CFAP157: variants seen among roughly 807,000 people sequenced by gnomAD.
CFAP157 encodes cilia and flagella associated protein 157.
A neutral mutation model predicts 57.8 loss-of-function variants in CFAP157; 43 were observed. The observed-to-expected ratio is 0.74, with a 90% confidence interval of 0.58 to 0.96. The LOEUF is 0.96. Among genes scored for constraint, CFAP157 ranks in the 40% least tolerant of loss-of-function variants. The probability of loss-of-function intolerance (pLI) is 0.00; values close to 1 mark genes in which losing one functional copy is unlikely to be tolerated. For synonymous variants in CFAP157, 267 were observed against 269.0 expected, an observed-to-expected ratio of 0.99 and a Z score of 0.07; for missense variants, 606 against 655.3, an observed-to-expected ratio of 0.92 and a Z score of 0.82.
chr9:127,715,812 G>T lies in CFAP157; in HGVS notation c.*1907G>T, dbSNP rs1588408112. 1.5e-6 allele frequency: 2 copies of T among 1,314,376 alleles called. No individual in the cohort carries two copies. Among genetic ancestry groups the T allele is most frequent in the Middle Eastern group, 1.8e-4 (1 of 5,448 alleles). The allele number at this position is 1,314,376 out of a possible 1,614,324, so 81.4% of individuals were successfully genotyped here. ...GCGGTGGCCGAGTCCGGGAACCCAG[G>T]CGCCTTCAGTAGCGCGGCGTCACAG... On this transcript the variant is annotated 3_prime_UTR_variant, in exon 9 of 9. Transcript: ENST00000373295. This position sits in a 1 kb window ranked among gnomAD's most constrained non-coding sequence, Gnocchi z 5.8.
At chr9:127,713,330 TC>T in intron 8 of CFAP157, 124 bp downstream of exon 8, 1 of 746,436 alleles carries the variant, frequency 1.3e-6, no homozygotes, top group Non-Finnish European at 2.1e-6. Flanking sequence ...AGCCTTCCCA[TC>T]TGTAAAATGG....
rs1462886511 is a variant in CFAP157, at chr9:127,711,498, T to G, written c.855+2T>G. 2 of 1,612,254 alleles carry G rather than the reference T, an allele frequency of 1.2e-6. No homozygotes were observed. Among genetic ancestry groups the G allele is most frequent in the Non-Finnish European group, 1.7e-6 (2 of 1,179,486 alleles). On this transcript the variant is annotated splice_donor_variant, in intron 4 of 8. Transcript: ENST00000373295. LOFTEE classifies it high-confidence loss of function. ...AGGCACAAAAGAGGCCACCAGAAGG[T>G]GTGCCTGCAGGCCTCAGCACAGGGC...
At position 127,714,303 on chromosome 9, in the gene CFAP157, C is replaced by A; in HGVS notation, c.*398C>A. 1.2e-6 allele frequency: 2 copies of A among 1,614,036 alleles called. No homozygotes were observed. The highest frequency in any genetic ancestry group is 8.5e-7 in the Non-Finnish European group (1 of 1,179,930). On this transcript the variant is annotated 3_prime_UTR_variant, in exon 9 of 9. Transcript: ENST00000373295. ...ATTGCCTGTGGGAGAGCCAGAGAGGCCCAGGAAGCTTTGGCGAGGTGCTGG... is the reference window on the plus strand; with the variant it reads ...ATTGCCTGTGGGAGAGCCAGAGAGGACCAGGAAGCTTTGGCGAGGTGCTGG...
chr9:127,713,161 A>T lies in CFAP157; in HGVS notation c.1446A>T (p.Ser482=), dbSNP rs769386392. The change falls in exon 8 of 9, where the codon TCA becomes TCT. Residue 482 remains serine (S), a synonymous_variant. Coordinates refer to ENST00000373295, the MANE Select transcript of CFAP157 (RefSeq NM_001012502.3). ...ACCCCCAGGACCTCAGGCTGCTGTC[A>T]TATATCACCCGTGTGGGGACCTTCC... The part of the protein sequence containing the change: ...PPNPQDLRLL[S]YITRVGTFRA... The T allele has an allele frequency of 2.5e-6, 4 of 1,601,358 alleles. No homozygotes were observed. In the South Asian group the frequency reaches 3.4e-5, roughly 13 times the overall value.
At position 127,709,755 on chromosome 9, in the gene CFAP157, T is replaced by G; in HGVS notation, c.433+62T>G. ...CATCCCAGCTCTATCACTGACCCTG[T>G]TTCTCACCTGGGAAACAGGGATAAT... On this transcript the variant is annotated intron_variant, in intron 2 of 8. Coordinates refer to ENST00000373295, the MANE Select transcript of CFAP157 (RefSeq NM_001012502.3). This position sits in a 1 kb window ranked among gnomAD's most constrained non-coding sequence, Gnocchi z 4.7. The G allele has an allele frequency of 6.5e-7, 1 of 1,542,894 alleles. No individual in the cohort carries two copies. The highest frequency in any genetic ancestry group is 1.2e-5 in the South Asian group (1 of 84,060).
Position 127,714,660 on chromosome 9 carries a change from T to TCAG in CFAP157, c.*755_*756insCAG. Reference sequence around the variant, plus strand: ...CCCCAGGGGCTTGTCCAGCTCATCATGCACCAGGTAGACTTCCTCGGCAGT... The same window carrying TCAG: ...CCCCAGGGGCTTGTCCAGCTCATCATCAGGCACCAGGTAGACTTCCTCGGCAGT... On this transcript the variant is annotated 3_prime_UTR_variant, in exon 9 of 9. Transcript: ENST00000373295. The TCAG allele has an allele frequency of 6.2e-7, 1 of 1,613,930 alleles. No homozygotes were observed. The highest frequency in any genetic ancestry group is 2.2e-5 in the East Asian group (1 of 44,866).
In CFAP157 at chr9:127,712,719, A is replaced by T; in HGVS notation, c.1148A>T (p.Asp383Val). 1 of 1,614,134 alleles carries T rather than the reference A, an allele frequency of 6.2e-7. No homozygotes were observed. The highest frequency in any genetic ancestry group is 8.5e-7 in the Non-Finnish European group (1 of 1,180,004). Reference protein sequence around the residue: ...FLQNILQMHRDEEDSDVDVTF... With the variant: ...FLQNILQMHRVEEDSDVDVTF... Reference sequence around the variant, plus strand: ...CACCCTCACCAACAGATGCACCGCGATGAAGAGGACAGTGACGTTGACGTG... The same window carrying T: ...CACCCTCACCAACAGATGCACCGCGTTGAAGAGGACAGTGACGTTGACGTG... Residue 383 changes from aspartate to valine, a missense_variant, in exon 7 of 9, where the codon GAT (aspartate) becomes GTT (valine). Physicochemically the swap from Asp to Val is radical, Grantham distance 152. Coordinates refer to ENST00000373295, the MANE Select transcript of CFAP157 (RefSeq NM_001012502.3).
At position 127,712,985 on chromosome 9, in the gene CFAP157, C is replaced by T. The variant is rs375153055; in HGVS notation, c.1305-35C>T. The T allele has an allele frequency of 2.8e-5, 45 of 1,605,892 alleles. No individual in the cohort carries two copies. The African/African-American group carries it at 4.3e-4, about 15-fold the overall frequency. On this transcript the variant is annotated intron_variant, in intron 7 of 8. Coordinates refer to ENST00000373295, the MANE Select transcript of CFAP157 (RefSeq NM_001012502.3). ...ACCCTGGGCCAGAAACCTGGCTCGC[C>T]GAAGGCTCTGTGACCCTCGGCCCCC...
chr9:127,712,812 C>T lies in CFAP157; in HGVS notation c.1241C>T (p.Thr414Met), dbSNP rs370613192. Residue 414 changes from threonine (T) to methionine (M), a missense_variant, in exon 7 of 9, where the codon ACG (threonine) becomes ATG (methionine). Transcript: ENST00000373295. ...GTCATGCTCAGCTCCACTGTGGCCA[C>T]GAGACCTCAGAAGGCTGCGTGTCCC... ...LLVMLSSTVA[T>M]RPQKAACPHQ... 61 of 1,614,032 alleles carry T rather than the reference C, an allele frequency of 3.8e-5. No individual in the cohort carries two copies. Among genetic ancestry groups the T allele is most frequent in the East Asian group, 2.2e-5 (1 of 44,904 alleles).
intron 8 of CFAP157, 194 bp downstream of exon 8, chr9:127,713,400 GA>G (rs1398734373): frequency 1.9e-6 from 1 of 515,602 alleles, no homozygotes; most frequent in Non-Finnish European, 3.3e-6. Context: ...CATGCCCTGG[GA>G]GGGGGGTTGG....
chr9:127,711,119 A>T, intron 3 of CFAP157, 110 bp from the exon 4 acceptor site: 1 of 1,305,792 alleles, frequency 7.7e-7, no homozygotes, highest in Non-Finnish European at 1.0e-6. Context: ...CCAGGGAGAG[A>T]GCATGCTGGT....
chr9:127,715,489 G>A lies in CFAP157; in HGVS notation c.*1584G>A, dbSNP rs504434. 843,608 of 1,609,450 alleles carry A rather than the reference G, an allele frequency of 0.52. 223,959 individuals are homozygous for A. Among genetic ancestry groups the A allele is most frequent in the Middle Eastern group, 0.62 (3,781 of 6,054 alleles). ...GGCACTCGGCTCCCGGGACATAATGGCCGAACTGAAGCTAGGGACCGGGAG... is the reference window on the plus strand; with the variant it reads ...GGCACTCGGCTCCCGGGACATAATGACCGAACTGAAGCTAGGGACCGGGAG... On this transcript the variant is annotated 3_prime_UTR_variant, in exon 9 of 9. Coordinates refer to ENST00000373295, the MANE Select transcript of CFAP157 (RefSeq NM_001012502.3). This position sits in a 1 kb window ranked among gnomAD's most constrained non-coding sequence, Gnocchi z 5.8.
rs975192083 is a variant in CFAP157, at chr9:127,715,099, C to A, written c.*1194C>A. 2 of 1,533,284 alleles carry A rather than the reference C, an allele frequency of 1.3e-6. No individual in the cohort carries two copies. The highest frequency in any genetic ancestry group is 1.7e-6 in the Non-Finnish European group (2 of 1,145,752). The allele number at this position is 1,533,284 out of a possible 1,614,324, so 95.0% of individuals were successfully genotyped here. Reference sequence around the variant, plus strand: ...CACAGTGCCGGTCGCGCGTCCAACTCTCCGCCACACCCAGCCGCCGCGCCA... The same window carrying A: ...CACAGTGCCGGTCGCGCGTCCAACTATCCGCCACACCCAGCCGCCGCGCCA... On this transcript the variant is annotated 3_prime_UTR_variant, in exon 9 of 9. Coordinates refer to ENST00000373295, the MANE Select transcript of CFAP157 (RefSeq NM_001012502.3). This position sits in a 1 kb window ranked among gnomAD's most constrained non-coding sequence, Gnocchi z 5.8.
At position 127,710,755 on chromosome 9, in the gene CFAP157, G is replaced by C; in HGVS notation, c.587+1G>C. ...AGAAGTCGGTGCTGGACAAGGACAGGTGGGCAAGCGGGGCACCCTTTGGGG... is the reference window on the plus strand; with the variant it reads ...AGAAGTCGGTGCTGGACAAGGACAGCTGGGCAAGCGGGGCACCCTTTGGGG... On this transcript the variant is annotated splice_donor_variant, in intron 3 of 8. Coordinates refer to ENST00000373295, the MANE Select transcript of CFAP157 (RefSeq NM_001012502.3). LOFTEE classifies it high-confidence loss of function. 6.4e-7 allele frequency: 1 copy of C among 1,562,042 alleles called. No individual in the cohort carries two copies. The highest frequency in any genetic ancestry group is 2.4e-5 in the East Asian group (1 of 42,150).
rs908648754 is a variant in CFAP157, at chr9:127,715,819, C to G, written c.*1914C>G. Reference sequence around the variant, plus strand: ...CCGAGTCCGGGAACCCAGGCGCCTTCAGTAGCGCGGCGTCACAGTGTCCCT... The same window carrying G: ...CCGAGTCCGGGAACCCAGGCGCCTTGAGTAGCGCGGCGTCACAGTGTCCCT... On this transcript the variant is annotated 3_prime_UTR_variant, in exon 9 of 9. Coordinates refer to ENST00000373295, the MANE Select transcript of CFAP157 (RefSeq NM_001012502.3). The surrounding 1 kb of genome is among the most constrained non-coding windows in gnomAD (Gnocchi z 5.8). 5 of 1,237,600 alleles carry G rather than the reference C, an allele frequency of 4.0e-6. No homozygotes were observed. In the African/African-American group the frequency reaches 6.1e-5, roughly 15 times the overall value. 76.7% of individuals were successfully genotyped at this position (1,237,600 alleles called of 1,614,324 possible). A position where few individuals can be genotyped will look rare whatever the true frequency, so the allele number is the denominator to read the frequency against.
Position 127,714,700 on chromosome 9 carries a change from C to T in CFAP157, c.*795C>T, listed in dbSNP as rs1279538834. On this transcript the variant is annotated 3_prime_UTR_variant, in exon 9 of 9. Coordinates refer to ENST00000373295, the MANE Select transcript of CFAP157 (RefSeq NM_001012502.3). ...TCCTCGGCAGTCAGCCCAAACAGCTCCGCTTAGCACAGGGAAACGGCAGCC... is the reference window on the plus strand; with the variant it reads ...TCCTCGGCAGTCAGCCCAAACAGCTTCGCTTAGCACAGGGAAACGGCAGCC... 2 of 1,610,472 alleles carry T rather than the reference C, an allele frequency of 1.2e-6. No homozygotes were observed. The highest frequency in any genetic ancestry group is 2.2e-5 in the East Asian group (1 of 44,608).
In CFAP157 at chr9:127,709,435, T is replaced by A. The variant is rs1842713520; in HGVS notation, c.175T>A (p.Trp59Arg). The part of the protein sequence containing the change: ...EDRLARYQRK[W>R]DELAVQEKMF... Reference sequence around the variant, plus strand: ...CCCCTGCCCCAGGTACCAGCGGAAGTGGGATGAGCTGGCTGTGCAGGAGAA... The same window carrying A: ...CCCCTGCCCCAGGTACCAGCGGAAGAGGGATGAGCTGGCTGTGCAGGAGAA... Residue 59 changes from tryptophan (W) to arginine (R), a missense_variant, in exon 2 of 9, where the codon TGG (tryptophan) becomes AGG (arginine). Transcript: ENST00000373295. This position sits in a 1 kb window ranked among gnomAD's most constrained non-coding sequence, Gnocchi z 4.7. 2.5e-6 allele frequency: 4 copies of A among 1,613,186 alleles called. No individual in the cohort carries two copies. In the African/African-American group the frequency reaches 5.3e-5, roughly 22 times the overall value.
At chr9:127,711,603 G>GGCA in intron 4 of CFAP157, 107 bp downstream of exon 4, 1 of 1,417,444 alleles carries the variant, frequency 7.1e-7, no homozygotes, top group South Asian at 1.4e-5. Flanking sequence ...GAGGGAGGGA[G>GGCA]GCAGCAGAGA....
rs755420258 is a variant in CFAP157, at chr9:127,710,582, T to C, written c.434-19T>C. ...TCTGAGGCAGCCCATCATTGGGCCT[T>C]GTGCGCTGTGGCGGCCAGGGGGGAA... is the stretch of plus-strand genomic sequence containing the variant. On this transcript the variant is annotated intron_variant, in intron 2 of 8. Coordinates refer to ENST00000373295, the MANE Select transcript of CFAP157 (RefSeq NM_001012502.3). 1.3e-6 allele frequency: 2 copies of C among 1,568,882 alleles called. No individual in the cohort carries two copies. Among genetic ancestry groups the C allele is most frequent in the South Asian group, 2.3e-5 (2 of 85,410 alleles).
Sources: gnomAD v4.1 joint callset for allele counts on GRCh38, gnomAD v4.1.1 for gene constraint, Gnocchi (gnomAD v3.1) non-coding constraint, MANE v1.5 for transcripts, NCBI Gene and HGNC (gene_info 2026-07-23, HGNC 2026-07-21) for gene names.